Variants in INPP5D observed in about 807,000 individuals in gnomAD.
INPP5D encodes phosphatidylinositol 3,4,5-trisphosphate 5-phosphatase 1.
INPP5D carries 33 observed loss-of-function variants against 122.9 expected under a neutral mutation model. The ratio of observed to expected loss-of-function variants is 0.27; its 90% CI spans 0.20 to 0.36. The LOEUF (loss-of-function observed/expected upper bound fraction) is 0.36. Ranked by LOEUF, INPP5D falls within the 10% of genes least tolerant of loss-of-function variation. INPP5D has a pLI of 1.00. For synonymous variants in INPP5D, 584 were observed against 576.2 expected (o/e 1.01, Z -0.19); for missense variants, 1,053 against 1,412.7 (o/e 0.75, Z 4.08).
chr2:233,162,382 T>C (rs1363858232), intron 11 of INPP5D, among the ~76,000 whole-genome samples: 1 of 151,882 alleles, frequency 6.6e-6, no homozygotes, highest in East Asian at 1.9e-4. Context: ...GAATATATAG[T>C]ATATATACAT....
rs745381515 is a variant in INPP5D, at chr2:233,160,126, G to A, written c.1138-1598G>A. ...GAATCTTGAGCCACTCCCAACTCGA[G>A]GCAGGTTATAGTAAAGATGGTCATT... On this transcript the variant is annotated intron_variant, in intron 10 of 26. Transcript: ENST00000445964. The surrounding 1 kb of genome is among the most constrained non-coding windows in gnomAD (Gnocchi z 4.2). 1.1e-3 allele frequency among the ~76,000 whole-genome samples: 161 copies of A among 152,322 alleles called. 2 individuals are homozygous for A. Among genetic ancestry groups the A allele is most frequent in the Middle Eastern group, 0.01 (3 of 294 alleles).
At chr2:233,167,946 A>G (rs1004735866) in intron 13 of INPP5D, among the ~76,000 whole-genome samples, 2 of 143,688 alleles carry the variant, frequency 1.4e-5, no homozygotes, top group African/African-American at 5.1e-5. Context: ...CGGAGGTTGC[A>G]GTAAGCAGAG....
intron 2 of INPP5D, among the ~76,000 whole-genome samples, chr2:233,113,636 C>G (rs546673396): frequency 2.0e-4 from 30 of 152,282 alleles, no homozygotes; most frequent in African/African-American, 7.0e-4. Flanking sequence ...TTAAATATCA[C>G]CAACATCAAC....
intron 2 of INPP5D, among the ~76,000 whole-genome samples, chr2:233,091,376 T>C (rs1171788338): frequency 6.6e-6 from 1 of 152,224 alleles, no homozygotes; most frequent in Non-Finnish European, 1.5e-5. Context: ...TATCTTGCAG[T>C]TGTGCAGGCC....
chr2:233,163,831 C>T lies in INPP5D; in HGVS notation c.1365C>T (p.Pro455=). ...ACGTGATCGGCACCCAAGAGGACCC[C>T]CTGAGTGAGAAGGAGTGGCTGGAGA... ...DIYVIGTQED[P]LSEKEWLEIL... is the part of the protein sequence containing the mutation. The change falls in exon 12 of 27, where the codon CCC becomes CCT. Residue 455 remains proline, a synonymous_variant. Transcript: ENST00000445964. 1.2e-6 allele frequency: 2 copies of T among 1,613,958 alleles called. No homozygotes were observed. Among genetic ancestry groups the T allele is most frequent in the Non-Finnish European group, 1.7e-6 (2 of 1,179,884 alleles).
chr2:233,062,746 C>T (rs935083386), intron 1 of INPP5D, among the ~76,000 whole-genome samples: 2 of 152,164 alleles, frequency 1.3e-5, no homozygotes, highest in African/African-American at 4.8e-5. Flanking sequence ...CTCCTCTGCT[C>T]AGGGTGGGAA....
intron 2 of INPP5D, among the ~76,000 whole-genome samples, chr2:233,088,022 C>T (rs1169023990): frequency 6.6e-6 from 1 of 152,088 alleles, no homozygotes; most frequent in Non-Finnish European, 1.5e-5. Context: ...AGCCCCCATG[C>T]TGGAGTGCAA....
intron 2 of INPP5D, among the ~76,000 whole-genome samples, chr2:233,118,102 C>G (rs1043165158): frequency 1.3e-5 from 2 of 152,280 alleles, no homozygotes; most frequent in Admixed American, 6.5e-5. Flanking sequence ...CCAGGCCTGT[C>G]CCAGCAGGAC....
intron 5 of INPP5D, chr2:233,134,215 A>G: frequency 2.9e-6 from 1 of 346,946 alleles, no homozygotes; most frequent in South Asian, 2.1e-5. Context: ...TTGAGGGGCC[A>G]TGAGGCATCT....
At chr2:233,096,653 A>G (rs1175317370) in intron 2 of INPP5D, among the ~76,000 whole-genome samples, 1 of 152,232 alleles carries the variant, frequency 6.6e-6, no homozygotes, top group Non-Finnish European at 1.5e-5. Flanking sequence ...TCCCATCTCA[A>G]AAGAAATGAC....
intron 5 of INPP5D, among the ~76,000 whole-genome samples, chr2:233,137,869 T>A (rs865962777): frequency 0.016 from 618 of 39,220 alleles, 9 homozygotes; most frequent in African/African-American, 0.019. Flanking sequence ...TATATATATA[T>A]ATATATATAT....
chr2:233,174,953 A>G (rs186055816), intron 17 of INPP5D, among the ~76,000 whole-genome samples: 68 of 152,276 alleles, frequency 4.5e-4, no homozygotes, highest in African/African-American at 1.6e-3. Flanking sequence ...TTAGCCGGGC[A>G]TGGTGGCTCA....
chr2:233,173,647 G>A (rs1049410057), intron 17 of INPP5D, among the ~76,000 whole-genome samples: 2 of 151,438 alleles, frequency 1.3e-5, no homozygotes, highest in East Asian at 1.9e-4. Flanking sequence ...AAATTAAGAC[G>A]TAGGCTGGGC....
intron 6 of INPP5D, among the ~76,000 whole-genome samples, chr2:233,143,904 G>A (rs1693679221): frequency 6.6e-6 from 1 of 151,676 alleles, no homozygotes; most frequent in Admixed American, 6.6e-5. Context: ...TGGTGGAGGT[G>A]GTCATGGTCA....
chr2:233,093,969 A>T (rs1692058500), intron 2 of INPP5D, among the ~76,000 whole-genome samples: 1 of 151,818 alleles, frequency 6.6e-6, no homozygotes, highest in Admixed American at 6.6e-5. Flanking sequence ...TTCTCCCTGG[A>T]GTCTGAGAAA....
intron 2 of INPP5D, among the ~76,000 whole-genome samples, chr2:233,098,790 G>A (rs1207255246): frequency 6.6e-6 from 1 of 152,076 alleles, no homozygotes; most frequent in Non-Finnish European, 1.5e-5. Context: ...CCTCCCACCG[G>A]GCGCCCCTCC....
chr2:233,204,305 A>T lies in INPP5D; in HGVS notation c.3155A>T (p.Glu1052Val). ...CGGAAGGAACCCCCGCCCTGCCCGG[A>T]ACCCGGCATCTTGTCGCCCAGCATC... ...MPRKEPPPCPEPGILSPSIVL... is the reference protein window; with the variant it reads ...MPRKEPPPCPVPGILSPSIVL... The change falls in exon 26 of 27, where the codon GAA (glutamate) becomes GTA (valine). Residue 1052 changes from glutamate to valine, a missense_variant. Around this residue, in one of 6 missense-constraint regions of INPP5D, gnomAD observed 417 missense variants for 425.8 expected, o/e 0.98. Transcript: ENST00000445964. 6.2e-7 allele frequency: 1 copy of T among 1,612,492 alleles called. No individual in the cohort carries two copies. The highest frequency in any genetic ancestry group is 8.5e-7 in the Non-Finnish European group (1 of 1,179,466).
chr2:233,078,498 G>T lies in INPP5D; in HGVS notation c.135-837G>T, dbSNP rs1574707359. On this transcript the variant is annotated intron_variant, in intron 1 of 26. Transcript: ENST00000445964. This position sits in a 1 kb window ranked among gnomAD's most constrained non-coding sequence, Gnocchi z 4.6. ...ATAATCCACGGGGCATAGTGTCCAA[G>T]AGGATGAAGCCATTTGGGGGTGGCA... is the stretch of plus-strand genomic sequence containing the variant. 1.3e-5 allele frequency among the ~76,000 whole-genome samples: 2 copies of T among 152,180 alleles called. No individual in the cohort carries two copies. Among genetic ancestry groups the T allele is most frequent in the East Asian group, 3.9e-4 (2 of 5,184 alleles).
intron 5 of INPP5D, 23 bp downstream of exon 5, chr2:233,130,671 G>C (rs780241731): frequency 1.2e-6 from 2 of 1,613,024 alleles, no homozygotes; most frequent in Admixed American, 1.7e-5. Context: ...CCACGGGGGC[G>C]GGCAGGTGGG....
Sources: gnomAD v4.1 joint callset for allele counts (sites outside exome capture counted in the v4.1 genomes callset) on GRCh38, gnomAD v4.1.1 for gene constraint, gnomAD v4.1.1 regional missense constraint, Gnocchi (gnomAD v3.1) non-coding constraint, MANE v1.5 for transcripts, NCBI Gene and HGNC (gene_info 2026-07-23, HGNC 2026-07-21) for gene names.